The following CFAP36 variants were observed in gnomAD, a reference collection of about 807,000 sequenced individuals.
CFAP36 encodes the protein cilia and flagella associated protein 36, also known as cilia- and flagella-associated protein 36.
Under a neutral mutation model 50.5 loss-of-function variants are expected in CFAP36, and 37 were observed. The ratio of observed to expected loss-of-function variants is 0.73; its 90% CI spans 0.56 to 0.96. CFAP36 has a LOEUF of 0.96. CFAP36 is among the 50% of genes least tolerant of loss of function. The probability of loss-of-function intolerance (pLI) is 0.00; values close to 1 mark genes in which losing one functional copy is unlikely to be tolerated. For missense variants in CFAP36, 407 were observed against 396.2 expected (o/e 1.03, Z -0.23); for synonymous variants, 138 against 128.2 (o/e 1.08, Z -0.52).
chr2:55,534,739 T>G (rs1360764872), intron 5 of CFAP36, among the ~76,000 whole-genome samples: 1 of 152,196 alleles, frequency 6.6e-6, no homozygotes. Context: ...CTTCTCCAAC[T>G]ATACTACCAC....
At chr2:55,527,958 T>C (rs1684253148) in intron 3 of CFAP36, among the ~76,000 whole-genome samples, 1 of 151,838 alleles carries the variant, frequency 6.6e-6, no homozygotes, top group South Asian at 2.1e-4. Flanking sequence ...TTGCTTGAGC[T>C]CAGGAGTTTG....
At chr2:55,524,057 T>A (rs1684138474) in intron 3 of CFAP36, among the ~76,000 whole-genome samples, 1 of 152,216 alleles carries the variant, frequency 6.6e-6, no homozygotes, top group African/African-American at 2.4e-5. Context: ...AGAACTAGAA[T>A]AAGATCACAG....
intron 3 of CFAP36, among the ~76,000 whole-genome samples, chr2:55,525,044 G>C (rs901353697): frequency 1.3e-5 from 2 of 151,894 alleles, no homozygotes; most frequent in African/African-American, 4.8e-5. Flanking sequence ...ATAGTCCAAA[G>C]TCCACAGCTA....
intron 7 of CFAP36, chr2:55,538,733 G>T: frequency 6.6e-7 from 1 of 1,512,888 alleles, no homozygotes; most frequent in South Asian, 1.2e-5. Flanking sequence ...ATGAGCCACT[G>T]TACCCATCCC....
intron 7 of CFAP36, among the ~76,000 whole-genome samples, chr2:55,540,684 A>G (rs776788271): frequency 2.0e-5 from 3 of 152,208 alleles, no homozygotes; most frequent in Non-Finnish European, 4.4e-5. Context: ...GTTGGGAAGA[A>G]CTGACATCTT....
chr2:55,536,019 G>T, intron 6 of CFAP36: 1 of 605,604 alleles, frequency 1.7e-6, no homozygotes, highest in Non-Finnish European at 2.4e-6. Flanking sequence ...TAATCTTACA[G>T]GACATGCATA....
intron 7 of CFAP36, chr2:55,538,886 T>G: frequency 6.7e-7 from 1 of 1,483,318 alleles, no homozygotes; most frequent in Non-Finnish European, 8.9e-7. Flanking sequence ...GAAGAACTTC[T>G]ATAATTGAGA....
chr2:55,544,270 C>T lies in CFAP36; in HGVS notation c.828C>T (p.Leu276=). The T allele has an allele frequency of 1.2e-6, 2 of 1,613,824 alleles. No individual in the cohort carries two copies. Among genetic ancestry groups the T allele is most frequent in the Non-Finnish European group, 1.7e-6 (2 of 1,179,904 alleles). ...TEELRQREHY[L]KQKRDKLMSM... ...AACTTCGGCAACGAGAACACTATCTCAAGCAGAAGAGAGATAAGTTGATGT... is the reference window on the plus strand; with the variant it reads ...AACTTCGGCAACGAGAACACTATCTTAAGCAGAAGAGAGATAAGTTGATGT... Residue 276 remains leucine (L), a synonymous_variant, in exon 9 of 10, where the codon CTC becomes CTT. Transcript: ENST00000349456.
Position 55,519,744 on chromosome 2 carries a change from C to G in CFAP36, c.-58C>G, listed in dbSNP as rs985701240. 1.3e-6 allele frequency: 2 copies of G among 1,579,828 alleles called. No homozygotes were observed. Among genetic ancestry groups the G allele is most frequent in the African/African-American group, 1.3e-5 (1 of 74,270 alleles). ...TCTCGGCTCCTTGTGGCCCAAAGGC[C>G]TAACCGGGGTCCGGCGGTCTGGCCT... On this transcript the variant is annotated 5_prime_UTR_variant, in exon 1 of 10. Coordinates refer to ENST00000349456, the MANE Select transcript of CFAP36 (RefSeq NM_080667.7).
At position 55,544,943 on chromosome 2, in the gene CFAP36, A is replaced by T; in HGVS notation, c.964A>T (p.Lys322Ter). Residue 322 changes from lysine to a stop codon, truncating the protein, a stop_gained, in exon 10 of 10, where the codon AAG becomes TAG. Transcript: ENST00000349456. LOFTEE classifies it high-confidence loss of function. ...TEKPEMTAEE[K>*]QTLLKRRLLA... The stretch of plus-strand genomic sequence containing the variant: ...GAAACCAGAAATGACAGCAGAGGAG[A>T]AGCAAACATTACTAAAGAGGAGATT... The T allele has an allele frequency of 6.2e-7, 1 of 1,607,116 alleles. No individual in the cohort carries two copies. The highest frequency in any genetic ancestry group is 8.5e-7 in the Non-Finnish European group (1 of 1,178,056).
intron 7 of CFAP36, 137 bp downstream of exon 7, chr2:55,537,722 T>C (rs1558913706): frequency 1.6e-6 from 1 of 614,122 alleles, no homozygotes; most frequent in East Asian, 3.1e-5. Context: ...TTTAACGTTC[T>C]TTGTGAATTT....
chr2:55,519,859 C>T lies in CFAP36; in HGVS notation c.58C>T (p.Leu20=), dbSNP rs1361134444. The T allele has an allele frequency of 6.2e-7, 1 of 1,614,230 alleles. No homozygotes were observed. The highest frequency in any genetic ancestry group is 1.1e-5 in the South Asian group (1 of 91,086). ...EWVVESIAGF[L]RGPDWSIPIL... ...GGTAGTGGAGAGCATCGCGGGGTTC[C>T]TGCGAGGCCCAGACTGGTCCATCCC... The change falls in exon 1 of 10, where the codon CTG becomes TTG. Residue 20 remains leucine (L), a synonymous_variant. Coordinates refer to ENST00000349456, the MANE Select transcript of CFAP36 (RefSeq NM_080667.7).
At chr2:55,520,299 C>A (rs1201915822) in intron 1 of CFAP36, 3 of 1,019,782 alleles carry the variant, frequency 2.9e-6, no homozygotes, top group Non-Finnish European at 4.2e-6. Context: ...CTTTGCCAGA[C>A]TTGAGAGGAG....
chr2:55,539,963 T>C (rs1198995793), intron 7 of CFAP36, among the ~76,000 whole-genome samples: 1 of 152,214 alleles, frequency 6.6e-6, no homozygotes, highest in Non-Finnish European at 1.5e-5. Flanking sequence ...GGGTTGTTTG[T>C]TTTCTTTTTG....
In CFAP36 at chr2:55,544,338, A is replaced by T; in HGVS notation, c.896A>T (p.Glu299Val). 6.2e-7 allele frequency: 1 copy of T among 1,613,472 alleles called. No individual in the cohort carries two copies. The highest frequency in any genetic ancestry group is 8.5e-7 in the Non-Finnish European group (1 of 1,179,818). The change falls in exon 9 of 10, where the codon GAG (glutamate) becomes GTG (valine). Residue 299 changes from glutamate to valine, a missense_variant. Transcript: ENST00000349456. ...DMRTKQIQNM[E>V]QKGKPTGEVE... ...AGGACTAAACAGATACAAAATATGG[A>T]GCAGAAAGGAAAACCCACTGGGGAG...
At chr2:55,539,376 A>T (rs1684576578) in intron 7 of CFAP36, 1 of 152,216 alleles carries the variant, frequency 6.6e-6, no homozygotes, top group African/African-American at 2.4e-5. Flanking sequence ...AGTAGTACGT[A>T]GCCTTTTCAG....
chr2:55,533,758 A>G, intron 4 of CFAP36, 115 bp from the exon 5 acceptor site: 1 of 425,288 alleles, frequency 2.4e-6, no homozygotes, highest in Non-Finnish European at 4.3e-6. Context: ...ATAATAGCTT[A>G]GGATGTTACA....
intron 3 of CFAP36, 58 bp downstream of exon 3, chr2:55,523,880 C>A: frequency 1.9e-6 from 2 of 1,050,922 alleles, no homozygotes; most frequent in Non-Finnish European, 2.8e-6. Context: ...CAGGGTTAAA[C>A]ACTCACTTAA....
chr2:55,536,838 A>G (rs1188758023), intron 6 of CFAP36, among the ~76,000 whole-genome samples: 1 of 151,742 alleles, frequency 6.6e-6, no homozygotes, highest in Non-Finnish European at 1.5e-5. Context: ...TCTGCCTCCC[A>G]GGCTCAAGCG....
Sources: allele counts gnomAD v4.1 joint callset (sites outside exome capture counted in the v4.1 genomes callset), GRCh38; gene constraint gnomAD v4.1.1; transcripts MANE v1.5; gene names NCBI Gene and HGNC (gene_info 2026-07-23, HGNC 2026-07-21).